The following ELK4 variants were observed in gnomAD, a reference collection of about 807,000 sequenced individuals.
ELK4 encodes ETS domain-containing protein Elk-4.
Under a neutral mutation model 29.6 loss-of-function variants are expected in ELK4, and 16 were observed. The observed-to-expected ratio is 0.54, with a 90% CI of 0.37 to 0.82. The LOEUF (loss-of-function observed/expected upper bound fraction) is 0.82, where lower values mean the gene tolerates loss of function less well. Among genes scored for constraint, ELK4 ranks in the 40% least tolerant of loss-of-function variants. The pLI is 0.00. For missense variants in ELK4, 465 were observed against 507.1 expected (o/e 0.92, Z 0.80); for synonymous variants, 213 against 191.1 (o/e 1.11, Z -0.95).
At chr1:205,623,281 G>T (rs952083803) in intron 2 of ELK4, among the ~76,000 whole-genome samples, 2 of 151,240 alleles carry the variant, frequency 1.3e-5, no homozygotes, top group African/African-American at 4.9e-5. Context: ...TAGGAAATTG[G>T]TATCTATAAC....
Position 205,620,766 on chromosome 1 carries a change from C to T in ELK4, c.280G>A (p.Asp94Asn). The change falls in exon 3 of 5, where the codon GAT becomes AAT. Residue 94 changes from aspartate (D) to asparagine (N), a missense_variant. By Grantham distance (23) the Asp-to-Asn change is conservative. Coordinates refer to ENST00000357992, the MANE Select transcript of ELK4 (RefSeq NM_001973.4). ...FVSYPEILNMDPMTVGRIEGD... is the reference protein window; with the variant it reads ...FVSYPEILNMNPMTVGRIEGD... ...TCAATCCTGCCCACTGTCATTGGAT[C>T]CATGTTCAAAATCTCTGGATAAGAG... The T allele has an allele frequency of 6.2e-7, 1 of 1,614,048 alleles. No homozygotes were observed. The highest frequency in any genetic ancestry group is 8.5e-7 in the Non-Finnish European group (1 of 1,180,034).
At chr1:205,624,108 A>G (rs1189391774) in intron 1 of ELK4, among the ~76,000 whole-genome samples, 1 of 152,240 alleles carries the variant, frequency 6.6e-6, no homozygotes, top group African/African-American at 2.4e-5. Context: ...GGTGAAGCTA[A>G]GATCTAAGCC....
At chr1:205,623,955 T>A in intron 1 of ELK4, 64 bp from the exon 2 acceptor site, 2 of 1,433,220 alleles carry the variant, frequency 1.4e-6, no homozygotes, top group Non-Finnish European at 2.0e-6. Context: ...ACACTGTATG[T>A]CATGCACTGT....
intron 3 of ELK4, 43 bp downstream of exon 3, chr1:205,619,923 T>C (rs1452717518): frequency 6.2e-7 from 1 of 1,613,888 alleles, no homozygotes; most frequent in Non-Finnish European, 8.5e-7. Context: ...AAAGGGCAAA[T>C]AAATGAAAGC....
chr1:205,620,209 G>A lies in ELK4; in HGVS notation c.837C>T (p.Asp279=), dbSNP rs753573144. The change falls in exon 3 of 5, where the codon GAC becomes GAT. Residue 279 remains aspartate, a synonymous_variant. Coordinates refer to ENST00000357992, the MANE Select transcript of ELK4 (RefSeq NM_001973.4). ...GAGAAGCCACTGAATCAATGTCTGT[G>A]TCGATGTCTGGGTGAGAACTCAGTG... ...SPPLSSHPDI[D]TDIDSVASQP... The A allele has an allele frequency of 6.2e-7, 1 of 1,614,236 alleles. No homozygotes were observed. The highest frequency in any genetic ancestry group is 1.1e-5 in the South Asian group (1 of 91,084).
At chr1:205,625,284 C>T (rs764528923) in intron 1 of ELK4, among the ~76,000 whole-genome samples, 23 of 94,098 alleles carry the variant, frequency 2.4e-4, no homozygotes, top group Admixed American at 5.6e-4. Context: ...TATTAAAAAA[C>T]GCCTACGACT....
At chr1:205,623,450 C>T (rs1205063248) in intron 2 of ELK4, among the ~76,000 whole-genome samples, 1 of 151,684 alleles carries the variant, frequency 6.6e-6, no homozygotes, top group East Asian at 2.0e-4. Context: ...GCTGGGATTA[C>T]AGGTGCCCAC....
chr1:205,623,157 CAAAA>C (rs547986684), intron 2 of ELK4, among the ~76,000 whole-genome samples: 4 of 76,790 alleles, frequency 5.2e-5, no homozygotes, highest in Non-Finnish European at 5.7e-5. Context: ...GACTCCGTCT[CAAAA>C]AAAAAAAAAA....
rs1463414549 is a variant in ELK4 at position 205,615,096 on chromosome 1, C to G, written c.*1450G>C. On this transcript the variant is annotated 3_prime_UTR_variant, in exon 5 of 5. Coordinates refer to ENST00000357992, the MANE Select transcript of ELK4 (RefSeq NM_001973.4). ...GCATTCCCAAATGAACTCTGCTCTTCCCCATTTAAAAAAAAAAAGTTGAAA... is the reference window on the plus strand; with the variant it reads ...GCATTCCCAAATGAACTCTGCTCTTGCCCATTTAAAAAAAAAAAGTTGAAA... 5.5e-6 allele frequency: 1 copy of G among 183,132 alleles called. No homozygotes were observed. The highest frequency in any genetic ancestry group is 2.5e-5 in the African/African-American group (1 of 40,792). 11.3% of individuals were successfully genotyped at this position (183,132 alleles called of 1,614,324 possible).
At chr1:205,626,840 A>C (rs1324291864) in intron 1 of ELK4, among the ~76,000 whole-genome samples, 2 of 152,188 alleles carry the variant, frequency 1.3e-5, no homozygotes, top group African/African-American at 4.8e-5. Flanking sequence ...CCATACAAAA[A>C]CTTACACAGG....
chr1:205,631,055 A>G (rs922370521), intron 1 of ELK4, among the ~76,000 whole-genome samples: 3 of 152,256 alleles, frequency 2.0e-5, no homozygotes, highest in Non-Finnish European at 4.4e-5. Flanking sequence ...CCGCCCCGAA[A>G]GATGTTTCCA....
rs1670226589 is a variant in ELK4 at position 205,616,002 on chromosome 1, C to A, written c.*544G>T. The A allele has an allele frequency of 4.5e-6, 1 of 224,414 alleles. No individual in the cohort carries two copies. Among genetic ancestry groups the A allele is most frequent in the African/African-American group, 2.2e-5 (1 of 44,744 alleles). The allele number at this position is 224,414 out of a possible 1,614,324, so 13.9% of individuals were successfully genotyped here. On this transcript the variant is annotated 3_prime_UTR_variant, in exon 5 of 5. Coordinates refer to ENST00000357992, the MANE Select transcript of ELK4 (RefSeq NM_001973.4). ...AAACAATCTCCCCAGTATGACTGCTCCAATCTTACTTTGTATGAATAGGAA... is the reference window on the plus strand; with the variant it reads ...AAACAATCTCCCCAGTATGACTGCTACAATCTTACTTTGTATGAATAGGAA...
chr1:205,612,586 T>C lies in ELK4; in HGVS notation c.*3960A>G, dbSNP rs1670168793. On this transcript the variant is annotated 3_prime_UTR_variant, in exon 5 of 5. Transcript: ENST00000357992. ...GCTGGACACTCCTTTTCTGAACCACTGCTTCAGAGGTATTGAGAAGTGGTA... is the reference window on the plus strand; with the variant it reads ...GCTGGACACTCCTTTTCTGAACCACCGCTTCAGAGGTATTGAGAAGTGGTA... 4.7e-6 allele frequency: 1 copy of C among 213,140 alleles called. No homozygotes were observed. Among genetic ancestry groups the C allele is most frequent in the African/African-American group, 2.3e-5 (1 of 44,210 alleles). The allele number at this position is 213,140 out of a possible 1,614,324, so 13.2% of individuals were successfully genotyped here.
In ELK4 at chr1:205,609,836, C is replaced by G. The variant is rs1329246700; in HGVS notation, c.*6710G>C. 1.3e-5 allele frequency: 3 copies of G among 223,230 alleles called. No individual in the cohort carries two copies. Among genetic ancestry groups the G allele is most frequent in the African/African-American group, 6.7e-5 (3 of 44,796 alleles). The allele number at this position is 223,230 out of a possible 1,614,324, so 13.8% of individuals were successfully genotyped here. ...AAGCTTGCAAATTATTTTAAAATAT[C>G]CTAGCCAAAAGGGCATACCTTACAG... On this transcript the variant is annotated 3_prime_UTR_variant, in exon 5 of 5. Transcript: ENST00000357992.
intron 3 of ELK4, chr1:205,619,756 T>C (rs1670297527): frequency 3.3e-6 from 5 of 1,498,680 alleles, no homozygotes; most frequent in Middle Eastern, 1.9e-4. Context: ...TGTAGAACAA[T>C]GAATTTTTTA....
intron 4 of ELK4, among the ~76,000 whole-genome samples, chr1:205,618,239 C>G (rs1670269465): frequency 6.6e-6 from 1 of 151,928 alleles, no homozygotes; most frequent in Non-Finnish European, 1.5e-5. Flanking sequence ...TTAGGTTGTC[C>G]AGGCTGGTCT....
At chr1:205,618,889 C>G in intron 4 of ELK4, 68 bp downstream of exon 4, 4 of 1,169,364 alleles carry the variant, frequency 3.4e-6, no homozygotes. Context: ...ATAGTGGGAC[C>G]CTGCCTTTTT....
chr1:205,628,741 G>C (rs1670512949), intron 1 of ELK4, among the ~76,000 whole-genome samples: 2 of 152,210 alleles, frequency 1.3e-5, no homozygotes, highest in Admixed American at 1.3e-4. Context: ...TTGGTTATCA[G>C]TGGAGCAGCA....
intron 4 of ELK4, among the ~76,000 whole-genome samples, chr1:205,618,542 G>C (rs985109767): frequency 6.6e-6 from 1 of 152,142 alleles, no homozygotes; most frequent in African/African-American, 2.4e-5. Context: ...ATATTCATTG[G>C]GCAGGGCACA....
Sources: gnomAD v4.1 joint callset for allele counts (sites outside exome capture counted in the v4.1 genomes callset) on GRCh38, gnomAD v4.1.1 for gene constraint, MANE v1.5 for transcripts, NCBI Gene and HGNC (gene_info 2026-07-23, HGNC 2026-07-21) for gene names.